CLN8: variants seen among roughly 807,000 people sequenced by gnomAD.
The protein encoded by CLN8 is CLN8 transmembrane ER and ERGIC protein.
A neutral mutation model predicts 15.7 loss-of-function variants in CLN8; 14 were observed. That is an observed-to-expected ratio of 0.89 (90% CI 0.59 to 1.39). The LOEUF is 1.39. CLN8 is among the 40% of genes most tolerant of loss of function. The pLI is 0.00. For missense variants in CLN8, 415 were observed against 364.0 expected (o/e 1.14, Z -1.14); for synonymous variants, 188 against 151.0 (o/e 1.25, Z -1.80).
chr8:1,770,872 G>T (rs989594643), intron 1 of CLN8, 60 bp from the exon 2 acceptor site: 11 of 628,824 alleles, frequency 1.7e-5, no homozygotes, highest in Non-Finnish European at 2.8e-6. Context: ...TGCGTTACTG[G>T]GGTAGTGATG....
chr8:1,774,178 C>G (rs1401174903), intron 2 of CLN8, among the ~76,000 whole-genome samples: 5 of 152,150 alleles, frequency 3.3e-5, no homozygotes, highest in African/African-American at 1.2e-4. Flanking sequence ...TGGAGCCCAG[C>G]CTCCAGGAGG....
intron 2 of CLN8, among the ~76,000 whole-genome samples, chr8:1,778,487 C>G (rs1439207608): frequency 6.6e-6 from 1 of 152,234 alleles, no homozygotes; most frequent in Admixed American, 6.5e-5. Flanking sequence ...TTCCTCTGCT[C>G]TTCTTCCTGA....
At chr8:1,769,007 TGAA>T (rs1801193736) in intron 1 of CLN8, among the ~76,000 whole-genome samples, 1 of 152,212 alleles carries the variant, frequency 6.6e-6, no homozygotes, top group African/African-American at 2.4e-5. Context: ...CTGTGTGCCC[TGAA>T]CTCACGCACC....
rs1453194399 is a variant in CLN8, at chr8:1,783,738, A to T, written c.*3171A>T. On this transcript the variant is annotated 3_prime_UTR_variant, in exon 3 of 3. Coordinates refer to ENST00000331222, the MANE Select transcript of CLN8 (RefSeq NM_018941.4). ...CCAGGTATTGCGCTTAAGGGACATGATTTTCCATTTTCTTCGCCCGGACAA... is the reference window on the plus strand; with the variant it reads ...CCAGGTATTGCGCTTAAGGGACATGTTTTTCCATTTTCTTCGCCCGGACAA... 6.6e-6 allele frequency: 1 copy of T among 151,702 alleles called. No homozygotes were observed. The highest frequency in any genetic ancestry group is 1.5e-5 in the Non-Finnish European group (1 of 67,974). The allele number at this position is 151,702 out of a possible 1,614,324, so 9.4% of individuals were successfully genotyped here.
At chr8:1,756,732 G>C (rs1159572296) in intron 1 of CLN8, among the ~76,000 whole-genome samples, 4 of 148,350 alleles carry the variant, frequency 2.7e-5, no homozygotes, top group Non-Finnish European at 5.9e-5. Context: ...GCCCAGGCTG[G>C]AGTGCAATGG....
intron 1 of CLN8, among the ~76,000 whole-genome samples, chr8:1,758,041 A>G (rs6558530): frequency 0.7 from 106,195 of 151,398 alleles, 37,366 homozygotes; most frequent in South Asian, 0.77. Context: ...AACACCCAGC[A>G]TAGAGATCAC....
At chr8:1,772,443 T>A (rs1801350293) in intron 2 of CLN8, among the ~76,000 whole-genome samples, 1 of 152,158 alleles carries the variant, frequency 6.6e-6, no homozygotes, top group Non-Finnish European at 1.5e-5. Context: ...CAAAATGTTC[T>A]TCATGTTAAA....
At chr8:1,776,961 A>G (rs1346638931) in intron 2 of CLN8, among the ~76,000 whole-genome samples, 1 of 152,196 alleles carries the variant, frequency 6.6e-6, no homozygotes, top group Non-Finnish European at 1.5e-5. Flanking sequence ...CCCGGACGCA[A>G]AAGAGTACAC....
intron 1 of CLN8, chr8:1,758,549 C>T (rs1036238477): frequency 3.3e-5 from 5 of 152,222 alleles, no homozygotes; most frequent in African/African-American, 1.2e-4. Flanking sequence ...CAGTTCTCTT[C>T]TCCAAACACC....
intron 1 of CLN8, among the ~76,000 whole-genome samples, chr8:1,765,447 G>A (rs992221833): frequency 6.6e-6 from 1 of 152,118 alleles, no homozygotes; most frequent in Non-Finnish European, 1.5e-5. Flanking sequence ...GTATTTTTAT[G>A]CTTGTTTATA....
At chr8:1,769,556 C>T (rs1171957361) in intron 1 of CLN8, among the ~76,000 whole-genome samples, 1 of 152,168 alleles carries the variant, frequency 6.6e-6, no homozygotes, top group African/African-American at 2.4e-5. Flanking sequence ...GGACAAGTCC[C>T]TGCACACTGG....
intron 1 of CLN8, among the ~76,000 whole-genome samples, chr8:1,765,787 T>G (rs888491143): frequency 6.6e-6 from 1 of 152,196 alleles, no homozygotes; most frequent in African/African-American, 2.4e-5. Context: ...GAAAGGAGAA[T>G]TAGCTTTGCA....
chr8:1,771,047 T>C lies in CLN8; in HGVS notation c.-8T>C. ...CCCCAGGACTCCTTTGGAATATAGC[T>C]GTGGACAATGAATCCTGCGAGCGAT... is the stretch of plus-strand genomic sequence containing the variant. On this transcript the variant is annotated 5_prime_UTR_variant, in exon 2 of 3. Transcript: ENST00000331222. The C allele has an allele frequency of 6.2e-7, 1 of 1,613,956 alleles. No homozygotes were observed. Among genetic ancestry groups the C allele is most frequent in the Non-Finnish European group, 8.5e-7 (1 of 1,180,008 alleles).
At chr8:1,760,760 A>G (rs1221369440), upstream of CLN8, among the ~76,000 whole-genome samples, 3 of 152,186 alleles carry the variant, frequency 2.0e-5, no homozygotes, top group African/African-American at 7.2e-5. Flanking sequence ...GATCTTGCGC[A>G]GGGAGGAACT....
chr8:1,780,792 C>T lies in CLN8; in HGVS notation c.*225C>T, dbSNP rs544520915. Reference sequence around the variant, plus strand: ...CTGGCAGGCTCTGTCAGTTTAGCCGCGCCGGACCGTGTCAAGCATCTAGGA... The same window carrying T: ...CTGGCAGGCTCTGTCAGTTTAGCCGTGCCGGACCGTGTCAAGCATCTAGGA... On this transcript the variant is annotated 3_prime_UTR_variant, in exon 3 of 3. Coordinates refer to ENST00000331222, the MANE Select transcript of CLN8 (RefSeq NM_018941.4). 7 of 595,156 alleles carry T rather than the reference C, an allele frequency of 1.2e-5. No homozygotes were observed. Among genetic ancestry groups the T allele is most frequent in the Admixed American group, 6.1e-5 (2 of 32,962 alleles). 36.9% of individuals were successfully genotyped at this position (595,156 alleles called of 1,614,324 possible).
chr8:1,780,434 T>C lies in CLN8; in HGVS notation c.728T>C (p.Leu243Pro). The change falls in exon 3 of 3, where the codon CTA (leucine) becomes CCA (proline). Residue 243 changes from leucine (L) to proline (P), a missense_variant. Physicochemically the swap from Leu to Pro is moderately conservative, Grantham distance 98. Coordinates refer to ENST00000331222, the MANE Select transcript of CLN8 (RefSeq NM_018941.4). Reference sequence around the variant, plus strand: ...CTTGTCGGACTGGCTCTGCTTACGCTAATCATTAATCCATATTGGACCCAT... The same window carrying C: ...CTTGTCGGACTGGCTCTGCTTACGCCAATCATTAATCCATATTGGACCCAT... ...LFLVGLALLT[L>P]IINPYWTHKK... The C allele has an allele frequency of 3.1e-6, 5 of 1,614,248 alleles. No individual in the cohort carries two copies. The highest frequency in any genetic ancestry group is 4.2e-6 in the Non-Finnish European group (5 of 1,180,048).
At chr8:1,766,366 A>G (rs1159935863) in intron 1 of CLN8, among the ~76,000 whole-genome samples, 2 of 149,658 alleles carry the variant, frequency 1.3e-5, no homozygotes, top group African/African-American at 4.9e-5. Flanking sequence ...AGATGAGTCC[A>G]TTAGGTTCGG....
intron 1 of CLN8, chr8:1,765,046 C>T (rs896764217): frequency 6.6e-6 from 1 of 152,252 alleles, no homozygotes; most frequent in Non-Finnish European, 1.5e-5. Flanking sequence ...TGAGCTTGAA[C>T]ACTTCTGTGC....
At chr8:1,755,559 G>A (rs944049836), upstream of CLN8, among the ~76,000 whole-genome samples, 1 of 152,166 alleles carries the variant, frequency 6.6e-6, no homozygotes, top group South Asian at 2.1e-4. Context: ...CCGTGTCGCA[G>A]GTCCTGACAT....
Sources: gnomAD v4.1 joint callset for allele counts (sites outside exome capture counted in the v4.1 genomes callset) on GRCh38, gnomAD v4.1.1 for gene constraint, MANE v1.5 for transcripts, NCBI Gene and HGNC (gene_info 2026-07-23, HGNC 2026-07-21) for gene names.